The following GALNT7 variants were observed in gnomAD, a reference collection of about 807,000 sequenced individuals.
The protein encoded by GALNT7 is polypeptide N-acetylgalactosaminyltransferase 7, also known as N-acetylgalactosaminyltransferase 7.
In GALNT7, 60 loss-of-function variants were observed where a neutral mutation model predicts 82.1. The observed-to-expected ratio is 0.73, with a 90% CI of 0.59 to 0.91. The LOEUF (loss-of-function observed/expected upper bound fraction) is 0.91, where lower values mean the gene tolerates loss of function less well. Ranked by LOEUF, GALNT7 falls within the 40% of genes least tolerant of loss-of-function variation. The pLI is 0.00. For missense variants in GALNT7, 660 were observed against 804.2 expected (o/e 0.82, Z 2.17); for synonymous variants, 243 against 275.1 (o/e 0.88, Z 1.15).
At chr4:173,289,682 G>A (rs1242267689) in intron 2 of GALNT7, among the ~76,000 whole-genome samples, 1 of 152,160 alleles carries the variant, frequency 6.6e-6, no homozygotes, top group African/African-American at 2.4e-5. Context: ...TTTCCATGGA[G>A]CCCACCATGT....
At chr4:173,290,510 G>A (rs1288153465) in intron 2 of GALNT7, among the ~76,000 whole-genome samples, 1 of 152,136 alleles carries the variant, frequency 6.6e-6, no homozygotes, top group Non-Finnish European at 1.5e-5. Context: ...TCTATTAGGG[G>A]ATATCTCTCC....
chr4:173,223,427 A>T (rs979162394), intron 1 of GALNT7, among the ~76,000 whole-genome samples: 2 of 152,200 alleles, frequency 1.3e-5, no homozygotes, highest in African/African-American at 4.8e-5. Flanking sequence ...AAGAGAAGCA[A>T]ATCATACTAG....
intron 2 of GALNT7, among the ~76,000 whole-genome samples, chr4:173,275,556 G>A (rs946322640): frequency 7.2e-5 from 11 of 152,174 alleles, no homozygotes; most frequent in African/African-American, 2.7e-4. Flanking sequence ...GCAGCTCTTT[G>A]TTTCATGAGC....
chr4:173,308,670 C>T (rs917588510), intron 8 of GALNT7, among the ~76,000 whole-genome samples: 2 of 152,056 alleles, frequency 1.3e-5, no homozygotes, highest in African/African-American at 2.4e-5. Flanking sequence ...TCGGGGAGGC[C>T]GAGGTGGGAG....
intron 1 of GALNT7, among the ~76,000 whole-genome samples, chr4:173,235,168 G>A: frequency 6.6e-6 from 1 of 151,858 alleles, no homozygotes; most frequent in African/African-American, 2.4e-5. Flanking sequence ...CAGTCACTCT[G>A]GCCTGTTTCC....
chr4:173,253,071 G>A (rs906658777), intron 2 of GALNT7, among the ~76,000 whole-genome samples: 7 of 151,830 alleles, frequency 4.6e-5, no homozygotes, highest in East Asian at 1.9e-4. Context: ...GCGTGTTGGC[G>A]CATCCCTCTG....
chr4:173,289,207 C>T (rs6825703), intron 2 of GALNT7, among the ~76,000 whole-genome samples: 66,826 of 151,886 alleles, frequency 0.44, 17,807 homozygotes, highest in East Asian at 0.69. Flanking sequence ...AGACAAGAAA[C>T]CTCAGAAATG....
At chr4:173,179,557 C>A (rs1160577736) in intron 1 of GALNT7, among the ~76,000 whole-genome samples, 2 of 152,208 alleles carry the variant, frequency 1.3e-5, no homozygotes, top group African/African-American at 4.8e-5. Context: ...TGCCCAACTC[C>A]TTCTACAAGT....
chr4:173,247,386 G>C (rs762825571), intron 1 of GALNT7, among the ~76,000 whole-genome samples: 5 of 150,576 alleles, frequency 3.3e-5, no homozygotes, highest in Non-Finnish European at 7.4e-5. Context: ...AGCTGACTTA[G>C]TTACAGATAT....
intron 1 of GALNT7, among the ~76,000 whole-genome samples, chr4:173,200,087 A>G (rs1732898000): frequency 6.6e-6 from 1 of 152,230 alleles, no homozygotes; most frequent in Non-Finnish European, 1.5e-5. Flanking sequence ...TTTTAGATAA[A>G]TAAGATTTTT....
intron 1 of GALNT7, among the ~76,000 whole-genome samples, chr4:173,213,601 A>C (rs1476479151): frequency 6.6e-6 from 1 of 152,136 alleles, no homozygotes; most frequent in Non-Finnish European, 1.5e-5. Flanking sequence ...TATACTTTGC[A>C]ATCAAATAAA....
Position 173,248,192 on chromosome 4 carries a change from C to G in GALNT7, c.339C>G (p.Leu113=), listed in dbSNP as rs1398597989. 3 of 1,613,504 alleles carry G rather than the reference C, an allele frequency of 1.9e-6. No individual in the cohort carries two copies. The change falls in exon 2 of 12, where the codon CTC becomes CTG. Residue 113 remains leucine (L), a synonymous_variant. Transcript: ENST00000265000. Reference sequence around the variant, plus strand: ...AAGATATCATGCAGAGGCAGTATCTCACATTTAAGCCTCAGACATTCACCT... The same window carrying G: ...AAGATATCATGCAGAGGCAGTATCTGACATTTAAGCCTCAGACATTCACCT... The part of the protein sequence containing the change: ...SQKDIMQRQY[L]TFKPQTFTYH...
At chr4:173,309,440 C>G (rs886447915) in intron 8 of GALNT7, among the ~76,000 whole-genome samples, 2 of 152,210 alleles carry the variant, frequency 1.3e-5, no homozygotes, top group Non-Finnish European at 2.9e-5. Flanking sequence ...AGTTCTTTGA[C>G]ATTTCATCCC....
chr4:173,247,411 C>T (rs1734682867), intron 1 of GALNT7, among the ~76,000 whole-genome samples: 1 of 151,130 alleles, frequency 6.6e-6, no homozygotes, highest in African/African-American at 2.4e-5. Flanking sequence ...TTTTTTTATA[C>T]TTCTGATTTC....
chr4:173,317,568 C>A, intron 9 of GALNT7, 66 bp from the exon 10 acceptor site: 1 of 959,944 alleles, frequency 1.0e-6, no homozygotes. Context: ...ATGTTAAATT[C>A]TGATGCCAGA....
intron 2 of GALNT7, among the ~76,000 whole-genome samples, chr4:173,259,188 C>T (rs546247094): frequency 6.6e-6 from 1 of 152,150 alleles, no homozygotes; most frequent in African/African-American, 2.4e-5. Context: ...GAGGGTGTGA[C>T]ACAATGAAAA....
At chr4:173,178,052 T>TGTGTGCGCACGC (rs563102408) in intron 1 of GALNT7, among the ~76,000 whole-genome samples, 1 of 129,510 alleles carries the variant, frequency 7.7e-6, no homozygotes, top group Non-Finnish European at 1.6e-5. Flanking sequence ...TGTGTGTGTG[T>TGTGTGCGCACGC]GCGCGCACGC....
chr4:173,253,287 G>A (rs962987061), intron 2 of GALNT7, among the ~76,000 whole-genome samples: 2 of 152,156 alleles, frequency 1.3e-5, no homozygotes, highest in African/African-American at 2.4e-5. Flanking sequence ...CAGGAAGAGG[G>A]CACTTGAACA....
chr4:173,312,221 A>G (rs1279724944), intron 8 of GALNT7, among the ~76,000 whole-genome samples: 1 of 152,254 alleles, frequency 6.6e-6, no homozygotes, highest in Non-Finnish European at 1.5e-5. Flanking sequence ...TAGTGTTGCT[A>G]CAACAGAACA....
Sources: gnomAD v4.1 joint callset for allele counts (sites outside exome capture counted in the v4.1 genomes callset) on GRCh38, gnomAD v4.1.1 for gene constraint, MANE v1.5 for transcripts, NCBI Gene and HGNC (gene_info 2026-07-23, HGNC 2026-07-21) for gene names.